Variants in RAPGEF5 observed in about 807,000 individuals in gnomAD.
RAPGEF5 encodes M-Ras-regulated GEF.
Under a neutral mutation model 125.2 loss-of-function variants are expected in RAPGEF5, and 65 were observed. That is an observed-to-expected ratio of 0.52 (90% CI 0.43 to 0.64). RAPGEF5 has a LOEUF of 0.64. Among genes scored for constraint, RAPGEF5 ranks in the 30% least tolerant of loss-of-function variants. RAPGEF5 has a pLI of 0.00. For synonymous variants in RAPGEF5, 391 were observed against 385.9 expected, an observed-to-expected ratio of 1.01 and a Z score of -0.16; for missense variants, 958 against 1,048.1, an observed-to-expected ratio of 0.91 and a Z score of 1.19.
chr7:22,350,227 A>G (rs1241567973), intron 1 of RAPGEF5, among the ~76,000 whole-genome samples: 1 of 152,198 alleles, frequency 6.6e-6, no homozygotes, highest in Admixed American at 6.5e-5. Flanking sequence ...ATTGCTAGCT[A>G]CACAAGTTGC....
intron 1 of RAPGEF5, among the ~76,000 whole-genome samples, chr7:22,332,645 C>G (rs1445257242): frequency 6.6e-6 from 1 of 152,218 alleles, no homozygotes; most frequent in Admixed American, 6.5e-5. Context: ...ACACAGGAAA[C>G]TTGTTTTCGA....
At chr7:22,141,345 T>C (rs1783253923) in intron 20 of RAPGEF5, among the ~76,000 whole-genome samples, 1 of 152,226 alleles carries the variant, frequency 6.6e-6, no homozygotes, top group Non-Finnish European at 1.5e-5. Flanking sequence ...AGGTTCTCGA[T>C]ACATAATACA....
chr7:22,351,163 T>G (rs1784322711), intron 1 of RAPGEF5, among the ~76,000 whole-genome samples: 1 of 152,164 alleles, frequency 6.6e-6, no homozygotes, highest in Non-Finnish European at 1.5e-5. Context: ...TTGTTTGTTT[T>G]TTGTAGCAAC....
At chr7:22,220,133 C>A in intron 8 of RAPGEF5, 142 bp from the exon 9 acceptor site, 1 of 1,147,304 alleles carries the variant, frequency 8.7e-7, no homozygotes, top group Non-Finnish European at 1.2e-6. Flanking sequence ...TTTTGCCTTT[C>A]AAAAATTGAA....
chr7:22,173,776 C>A (rs1274450880), intron 11 of RAPGEF5, among the ~76,000 whole-genome samples: 1 of 152,104 alleles, frequency 6.6e-6, no homozygotes. Flanking sequence ...CTCCAGGCTG[C>A]GGCACTCAGA....
At chr7:22,143,153 C>G (rs1335500824) in intron 20 of RAPGEF5, among the ~76,000 whole-genome samples, 1 of 152,130 alleles carries the variant, frequency 6.6e-6, no homozygotes, top group Non-Finnish European at 1.5e-5. Flanking sequence ...AGAGCCTCAC[C>G]TTTAGGAATT....
At chr7:22,353,920 A>T (rs1395965602) in intron 1 of RAPGEF5, among the ~76,000 whole-genome samples, 1 of 152,182 alleles carries the variant, frequency 6.6e-6, no homozygotes, top group Non-Finnish European at 1.5e-5. Context: ...AGGAAAAAAA[A>T]AATTAGCCAA....
intron 1 of RAPGEF5, among the ~76,000 whole-genome samples, chr7:22,337,199 G>A (rs533787540): frequency 2.2e-4 from 33 of 152,272 alleles, no homozygotes; most frequent in African/African-American, 6.7e-4. Context: ...CAGGGGCTAC[G>A]GTATGGGTGC....
At chr7:22,289,538 G>C (rs1782881954) in intron 6 of RAPGEF5, among the ~76,000 whole-genome samples, 1 of 152,152 alleles carries the variant, frequency 6.6e-6, no homozygotes. Context: ...ACAGTTTCTG[G>C]CCCATAGTGA....
At chr7:22,288,456 C>T (rs1782849123) in intron 6 of RAPGEF5, among the ~76,000 whole-genome samples, 1 of 151,396 alleles carries the variant, frequency 6.6e-6, no homozygotes, top group South Asian at 2.1e-4. Flanking sequence ...AAGTTCAGAA[C>T]TTCAGTTATC....
In RAPGEF5 at chr7:22,179,936, C is replaced by G. The variant is rs537170292; in HGVS notation, c.1205-12788G>C. On this transcript the variant is annotated intron_variant, in intron 11 of 25. Coordinates refer to ENST00000665637, the MANE Select transcript of RAPGEF5 (RefSeq NM_012294.5). ...ATAATCAAGAAATAACTATAAGTATCCTTAGTCCAGCAGCTCAAGCTGCTG... is the reference window on the plus strand; with the variant it reads ...ATAATCAAGAAATAACTATAAGTATGCTTAGTCCAGCAGCTCAAGCTGCTG... 4.1e-3 allele frequency among the ~76,000 whole-genome samples: 621 copies of G among 152,290 alleles called. 6 individuals are homozygous for G. The highest frequency in any genetic ancestry group is 5.2e-3 in the Non-Finnish European group (357 of 68,022).
chr7:22,157,897 A>C lies in RAPGEF5; in HGVS notation c.1527-12T>G. 6.2e-7 allele frequency: 1 copy of C among 1,608,834 alleles called. No homozygotes were observed. Among genetic ancestry groups the C allele is most frequent in the Non-Finnish European group, 8.5e-7 (1 of 1,175,374 alleles). Reference sequence around the variant, plus strand: ...ATTCATCTACAGTGCTGAAAGGAAAAATGGCAAGAAGTCAGTCTTTGTCTC... The same window carrying C: ...ATTCATCTACAGTGCTGAAAGGAAACATGGCAAGAAGTCAGTCTTTGTCTC... On this transcript the variant is annotated splice_polypyrimidine_tract_variant and intron_variant, in intron 14 of 25. Transcript: ENST00000665637.
intron 4 of RAPGEF5, among the ~76,000 whole-genome samples, chr7:22,309,398 G>A (rs1321935269): frequency 6.6e-6 from 1 of 152,140 alleles, no homozygotes. Context: ...CTGAGAGACT[G>A]GGCTAAATAA....
intron 23 of RAPGEF5, among the ~76,000 whole-genome samples, chr7:22,133,542 A>T (rs1782986368): frequency 6.6e-6 from 1 of 152,174 alleles, no homozygotes; most frequent in Non-Finnish European, 1.5e-5. Context: ...AATGACTTTG[A>T]AGAGATGGCA....
At chr7:22,197,268 T>C (rs1467740436) in intron 9 of RAPGEF5, among the ~76,000 whole-genome samples, 1 of 152,112 alleles carries the variant, frequency 6.6e-6, no homozygotes, top group East Asian at 1.9e-4. Context: ...CTAAAGGAAA[T>C]AAGTCAGCTT....
intron 1 of RAPGEF5, among the ~76,000 whole-genome samples, chr7:22,327,793 C>G (rs1285098494): frequency 6.6e-6 from 1 of 152,202 alleles, no homozygotes; most frequent in Non-Finnish European, 1.5e-5. Flanking sequence ...CATCAGACAT[C>G]AGAGACACCT....
chr7:22,304,478 A>T (rs1783286403), intron 5 of RAPGEF5, among the ~76,000 whole-genome samples: 1 of 152,236 alleles, frequency 6.6e-6, no homozygotes, highest in Admixed American at 6.5e-5. Flanking sequence ...GCAAATTTTA[A>T]AATTTTTCAT....
chr7:22,330,340 A>G (rs572903651), intron 1 of RAPGEF5, among the ~76,000 whole-genome samples: 1 of 152,346 alleles, frequency 6.6e-6, no homozygotes, highest in Admixed American at 6.5e-5. Flanking sequence ...CTTTCTGCCC[A>G]TCCTGAAGAG....
intron 1 of RAPGEF5, among the ~76,000 whole-genome samples, chr7:22,326,576 C>T (rs1783818305): frequency 6.6e-6 from 1 of 152,132 alleles, no homozygotes; most frequent in South Asian, 2.1e-4. Context: ...AGTGCTTAAC[C>T]AGTTATTAGT....
Sources: allele counts gnomAD v4.1 joint callset (sites outside exome capture counted in the v4.1 genomes callset), GRCh38; gene constraint gnomAD v4.1.1; transcripts MANE v1.5; gene names NCBI Gene and HGNC (gene_info 2026-07-23, HGNC 2026-07-21).